The following TBC1D32 variants were observed in gnomAD, a reference collection of about 807,000 sequenced individuals.
TBC1D32 encodes TBC1 domain family member 32.
A neutral mutation model predicts 170.3 loss-of-function variants in TBC1D32; 151 were observed. The observed-to-expected ratio is 0.89, with a 90% CI of 0.78 to 1.01. The LOEUF is 1.01. Ranked by LOEUF, TBC1D32 falls within the 50% of genes least tolerant of loss-of-function variation. The pLI is 0.00. For missense variants in TBC1D32, 1,464 were observed against 1,457.1 expected (o/e 1.00, Z -0.08); for synonymous variants, 498 against 488.0 (o/e 1.02, Z -0.27).
chr6:121,110,531 T>C (rs909868987), intron 29 of TBC1D32, among the ~76,000 whole-genome samples: 1 of 151,990 alleles, frequency 6.6e-6, no homozygotes, highest in Admixed American at 6.6e-5. Flanking sequence ...ATTACAATAA[T>C]GTGAGGCTGA....
At chr6:121,229,290 T>C (rs937558603) in intron 20 of TBC1D32, among the ~76,000 whole-genome samples, 1 of 152,158 alleles carries the variant, frequency 6.6e-6, no homozygotes, top group Non-Finnish European at 1.5e-5. Context: ...AATTTTGTCT[T>C]TCCCATTTTC....
intron 25 of TBC1D32, among the ~76,000 whole-genome samples, chr6:121,127,848 T>A (rs1319522732): frequency 6.6e-6 from 1 of 152,190 alleles, no homozygotes; most frequent in Non-Finnish European, 1.5e-5. Flanking sequence ...TATTTTTACT[T>A]TGGCACAACC....
chr6:121,333,994 G>C lies in TBC1D32; in HGVS notation c.155+282C>G, dbSNP rs529043758. 1.9e-3 allele frequency among the ~76,000 whole-genome samples: 291 copies of C among 152,300 alleles called. 2 individuals are homozygous for C. The highest frequency in any genetic ancestry group is 3.4e-3 in the Middle Eastern group (1 of 294). On this transcript the variant is annotated intron_variant, in intron 1 of 31. Transcript: ENST00000398212. ...AGGCTGGAGAATCGCTTGAACCCGG[G>C]AGGCGGAGGTTGTAGTGAGCGGAGA... is the stretch of plus-strand genomic sequence containing the variant.
intron 30 of TBC1D32, among the ~76,000 whole-genome samples, chr6:121,102,222 G>A (rs1778189740): frequency 6.6e-6 from 1 of 152,124 alleles, no homozygotes; most frequent in African/African-American, 2.4e-5. Flanking sequence ...TTTCTTCACA[G>A]AATTGGATAA....
rs553190657 is a variant in TBC1D32 at position 121,125,375 on chromosome 6, G to C, written c.2983+1003C>G. On this transcript the variant is annotated intron_variant, in intron 26 of 31. Coordinates refer to ENST00000398212, the MANE Select transcript of TBC1D32 (RefSeq NM_152730.6). ...AACTCTGGCCAGGAATCAGAGTCCA[G>C]ATGACTGTAAGCCCCAGATAGGTGC... is the stretch of plus-strand genomic sequence containing the variant. Among the ~76,000 whole-genome samples, 10 of 152,290 alleles carry C rather than the reference G, an allele frequency of 6.6e-5. No homozygotes were observed. The East Asian group carries it at 1.7e-3, about 26-fold the overall frequency.
At chr6:121,090,824 C>A in intron 31 of TBC1D32, 29 bp downstream of exon 31, 2 of 1,585,072 alleles carry the variant, frequency 1.3e-6, no homozygotes, top group South Asian at 2.3e-5. Flanking sequence ...ATTAACTCAA[C>A]ATTTTCCTCT....
intron 3 of TBC1D32, among the ~76,000 whole-genome samples, chr6:121,311,380 C>T (rs1182072314): frequency 6.6e-6 from 1 of 151,994 alleles, no homozygotes; most frequent in Non-Finnish European, 1.5e-5. Flanking sequence ...GGGTCTTTTT[C>T]CTACTAAAGA....
At chr6:121,142,394 C>T (rs1782904165) in intron 24 of TBC1D32, among the ~76,000 whole-genome samples, 1 of 152,206 alleles carries the variant, frequency 6.6e-6, no homozygotes, top group Non-Finnish European at 1.5e-5. Flanking sequence ...AGAAAAATTA[C>T]TCTCCTCTTT....
chr6:121,292,278 A>G, intron 11 of TBC1D32, 85 bp from the exon 12 acceptor site: 1 of 1,378,408 alleles, frequency 7.3e-7, no homozygotes, highest in Non-Finnish European at 9.9e-7. Context: ...GACATTAAAC[A>G]AGGCTACAGG....
At position 121,080,053 on chromosome 6, in the gene TBC1D32, C is replaced by T. The variant is rs138674125; in HGVS notation, c.*718G>A. 5 of 152,192 alleles carry T rather than the reference C, an allele frequency of 3.3e-5. No individual in the cohort carries two copies. The highest frequency in any genetic ancestry group is 1.2e-4 in the African/African-American group (5 of 41,532). The allele number at this position is 152,192 out of a possible 1,614,324, so 9.4% of individuals were successfully genotyped here. A position where few individuals can be genotyped will look rare whatever the true frequency, so the allele number is the denominator to read the frequency against. On this transcript the variant is annotated 3_prime_UTR_variant, in exon 32 of 32. Coordinates refer to ENST00000398212, the MANE Select transcript of TBC1D32 (RefSeq NM_152730.6). The stretch of plus-strand genomic sequence containing the variant: ...AGCAGCTGTAGTTTTATCCATTTTC[C>T]TTTACATGTACAGACATAAAGAATG...
intron 23 of TBC1D32, 88 bp downstream of exon 23, chr6:121,160,860 G>A (rs1220060268): frequency 1.1e-6 from 1 of 942,142 alleles, no homozygotes; most frequent in Non-Finnish European, 1.7e-6. Context: ...ACATTTAAGA[G>A]GTAAAGTTTA....
chr6:121,090,015 C>T (rs1025970959), intron 31 of TBC1D32, among the ~76,000 whole-genome samples: 3 of 151,540 alleles, frequency 2.0e-5, no homozygotes, highest in Non-Finnish European at 4.4e-5. Flanking sequence ...CTCATGCAAG[C>T]TCCGCCTCCT....
At chr6:121,283,691 T>C (rs1803368653) in intron 13 of TBC1D32, 127 bp downstream of exon 13, 2 of 644,682 alleles carry the variant, frequency 3.1e-6, no homozygotes, top group Non-Finnish European at 5.3e-6. Context: ...GTAATTTCTC[T>C]TAATACTGTA....
chr6:121,294,029 C>G (rs1805254342), intron 11 of TBC1D32, among the ~76,000 whole-genome samples: 1 of 150,496 alleles, frequency 6.6e-6, no homozygotes, highest in Non-Finnish European at 1.5e-5. Context: ...CATTGGAATG[C>G]AAAAAAAAGA....
intron 30 of TBC1D32, among the ~76,000 whole-genome samples, chr6:121,105,164 C>T (rs185664024): frequency 1.5e-3 from 225 of 151,904 alleles, no homozygotes; most frequent in African/African-American, 5.3e-3. Flanking sequence ...AAATTATGGA[C>T]ATATCATTAA....
At chr6:121,121,934 A>G (rs957040676) in intron 26 of TBC1D32, among the ~76,000 whole-genome samples, 4 of 152,026 alleles carry the variant, frequency 2.6e-5, no homozygotes, top group Non-Finnish European at 4.4e-5. Context: ...TTTGTAGCCC[A>G]CACTTTTCCT....
chr6:121,276,595 TAA>T (rs947497580), intron 15 of TBC1D32, among the ~76,000 whole-genome samples: 3 of 152,080 alleles, frequency 2.0e-5, no homozygotes, highest in African/African-American at 7.2e-5. Flanking sequence ...AATACATCAA[TAA>T]AAGACTATCA....
chr6:121,214,239 T>G (rs1209709273), intron 21 of TBC1D32, among the ~76,000 whole-genome samples: 1 of 152,172 alleles, frequency 6.6e-6, no homozygotes, highest in Middle Eastern at 3.2e-3. Context: ...AGATTTTGCC[T>G]TTGGATGCTT....
At chr6:121,097,209 A>C (rs1260593439) in intron 30 of TBC1D32, among the ~76,000 whole-genome samples, 1 of 152,164 alleles carries the variant, frequency 6.6e-6, no homozygotes, top group Non-Finnish European at 1.5e-5. Flanking sequence ...GATCTAATTA[A>C]ACTAAAGAGC....
Sources: allele counts gnomAD v4.1 joint callset (sites outside exome capture counted in the v4.1 genomes callset), GRCh38; gene constraint gnomAD v4.1.1; transcripts MANE v1.5; gene names NCBI Gene and HGNC (gene_info 2026-07-23, HGNC 2026-07-21).